Variants in RGL1 observed in about 807,000 individuals in gnomAD.
RGL1 encodes the protein ral guanine nucleotide dissociation stimulator like 1.
In RGL1, 24 loss-of-function variants were observed where a neutral mutation model predicts 95.2. The ratio of observed to expected loss-of-function variants is 0.25; its 90% CI spans 0.18 to 0.35. RGL1 has a LOEUF of 0.35. Ranked by LOEUF, RGL1 falls within the 10% of genes least tolerant of loss-of-function variation. The probability of loss-of-function intolerance (pLI) is 1.00; values close to 1 mark genes in which losing one functional copy is unlikely to be tolerated. For synonymous variants in RGL1, 329 were observed against 344.9 expected, an observed-to-expected ratio of 0.95 and a Z score of 0.51; for missense variants, 715 against 936.3, an observed-to-expected ratio of 0.76 and a Z score of 3.08.
At chr1:183,820,898 T>C (rs546623918) in intron 2 of RGL1, among the ~76,000 whole-genome samples, 3 of 152,146 alleles carry the variant, frequency 2.0e-5, no homozygotes, top group African/African-American at 7.2e-5. Flanking sequence ...TACACCAGGC[T>C]GAGGCTGGTG....
intron 15 of RGL1, among the ~76,000 whole-genome samples, chr1:183,912,711 G>A (rs1450695861): frequency 1.3e-5 from 2 of 152,188 alleles, no homozygotes; most frequent in Admixed American, 1.3e-4. Context: ...CTGGTTGGCT[G>A]ATCTAGGTTG....
exon 1 of RGL1, chr1:183,636,264 G>A: frequency 2.5e-6 from 1 of 398,740 alleles, no homozygotes; most frequent in Non-Finnish European, 4.4e-6. Context: ...GCAGTTGGTA[G>A]GAGTATGAGG....
chr1:183,723,981 A>C (rs1219011152), intron 1 of RGL1, among the ~76,000 whole-genome samples: 7 of 151,996 alleles, frequency 4.6e-5, no homozygotes, highest in Admixed American at 4.6e-4. Flanking sequence ...TCACAGTAGG[A>C]TAGGGCATTA....
intron 16 of RGL1, 129 bp downstream of exon 16, chr1:183,916,830 A>C (rs1669008957): frequency 7.6e-6 from 8 of 1,055,532 alleles, no homozygotes; most frequent in Non-Finnish European, 1.1e-5. Flanking sequence ...GCATTCACAC[A>C]GAAGGGATGT....
intron 1 of RGL1, among the ~76,000 whole-genome samples, chr1:183,681,157 A>G (rs2102077851): frequency 6.6e-6 from 1 of 152,274 alleles, no homozygotes; most frequent in South Asian, 2.1e-4. Context: ...CTATTTGAAT[A>G]CCCTTTATTT....
chr1:183,821,932 T>C (rs1310852820), intron 2 of RGL1, among the ~76,000 whole-genome samples: 1 of 152,144 alleles, frequency 6.6e-6, no homozygotes, highest in Non-Finnish European at 1.5e-5. Context: ...CTGCATCATA[T>C]CCTGTTGAAA....
intron 2 of RGL1, chr1:183,754,426 C>T (rs1572371979): frequency 6.6e-6 from 1 of 152,092 alleles, no homozygotes; most frequent in Admixed American, 6.5e-5. Context: ...AGTAGCTTAA[C>T]ATAATAAAAG....
At chr1:183,768,075 T>C (rs1489705151) in intron 2 of RGL1, among the ~76,000 whole-genome samples, 1 of 152,116 alleles carries the variant, frequency 6.6e-6, no homozygotes, top group African/African-American at 2.4e-5. Flanking sequence ...AAATTTTCTC[T>C]CAGGTTTTAA....
At chr1:183,895,581 A>G (rs1261940468) in intron 9 of RGL1, among the ~76,000 whole-genome samples, 3 of 152,156 alleles carry the variant, frequency 2.0e-5, no homozygotes, top group Non-Finnish European at 1.5e-5. Context: ...AAAAAGAAGA[A>G]TCACTAAGAG....
chr1:183,916,406 G>T, intron 15 of RGL1, 41 bp from the exon 16 acceptor site: 30 of 1,606,484 alleles, frequency 1.9e-5, no homozygotes, highest in Non-Finnish European at 2.5e-5. Flanking sequence ...GTTGGCCAGC[G>T]TTCTAATCTG....
intron 2 of RGL1, among the ~76,000 whole-genome samples, chr1:183,799,550 A>G (rs1660879021): frequency 6.6e-6 from 1 of 152,192 alleles, no homozygotes; most frequent in Admixed American, 6.5e-5. Context: ...TTTCCTGATG[A>G]TTAGTGATAT....
At chr1:183,738,336 G>A (rs1005720484) in intron 1 of RGL1, among the ~76,000 whole-genome samples, 1 of 151,630 alleles carries the variant, frequency 6.6e-6, no homozygotes, top group Non-Finnish European at 1.5e-5. Context: ...CATGAGAATC[G>A]CTTGAACCCT....
intron 2 of RGL1, among the ~76,000 whole-genome samples, chr1:183,763,868 A>G (rs542977388): frequency 7.9e-5 from 12 of 152,276 alleles, no homozygotes; most frequent in South Asian, 2.1e-4. Flanking sequence ...CAATTGTACA[A>G]TAGTTGCTTT....
intron 10 of RGL1, among the ~76,000 whole-genome samples, chr1:183,898,563 C>T (rs911471657): frequency 2.0e-5 from 3 of 152,156 alleles, no homozygotes; most frequent in African/African-American, 7.2e-5. Flanking sequence ...TCTAAATATT[C>T]TGCTTTAAGA....
At chr1:183,749,864 C>T (rs1027329083) in intron 2 of RGL1, among the ~76,000 whole-genome samples, 4 of 152,146 alleles carry the variant, frequency 2.6e-5, no homozygotes. Context: ...AAATTCTTTT[C>T]CTTAAAAATG....
intron 1 of RGL1, among the ~76,000 whole-genome samples, chr1:183,693,669 G>A (rs546857059): frequency 1.6e-4 from 24 of 151,850 alleles, no homozygotes; most frequent in Admixed American, 5.9e-4. Context: ...CAATCCTGAG[G>A]GTGGACAGTT....
At chr1:183,848,691 C>A (rs1349697299) in intron 3 of RGL1, among the ~76,000 whole-genome samples, 1 of 152,038 alleles carries the variant, frequency 6.6e-6, no homozygotes, top group Admixed American at 6.6e-5. Context: ...CCCCAAATAA[C>A]ATTTATTAGA....
chr1:183,768,650 A>T (rs1454258506), intron 2 of RGL1, among the ~76,000 whole-genome samples: 1 of 151,772 alleles, frequency 6.6e-6, no homozygotes, highest in South Asian at 2.1e-4. Flanking sequence ...GAAAAAAAAA[A>T]TTGTAGAGAT....
intron 6 of RGL1, 65 bp from the exon 7 acceptor site, chr1:183,884,658 G>A (rs1480343910): frequency 7.3e-7 from 1 of 1,377,168 alleles, no homozygotes; most frequent in African/African-American, 1.4e-5. Context: ...AAATGACCCA[G>A]ATGACATGCT....
Sources: gnomAD v4.1 joint callset for allele counts (sites outside exome capture counted in the v4.1 genomes callset) on GRCh38, gnomAD v4.1.1 for gene constraint, MANE v1.5 for transcripts, NCBI Gene and HGNC (gene_info 2026-07-23, HGNC 2026-07-21) for gene names.